The following NXNL2 variants were observed in gnomAD, a reference collection of about 807,000 sequenced individuals.
The protein encoded by NXNL2 is nucleoredoxin like 2.
A neutral mutation model predicts 11.1 loss-of-function variants in NXNL2; 7 were observed. The ratio of observed to expected loss-of-function variants is 0.63; its 90% CI spans 0.36 to 1.18. NXNL2 has a LOEUF of 1.18. Among genes scored for constraint, NXNL2 ranks in the 50% most tolerant of loss-of-function variants. The pLI is 0.02. For missense variants in NXNL2, 233 were observed against 217.7 expected, an observed-to-expected ratio of 1.07 and a Z score of -0.44; for synonymous variants, 109 against 101.8, an observed-to-expected ratio of 1.07 and a Z score of -0.42.
At chr9:88,553,357 A>C (rs1564070994) in intron 1 of NXNL2, among the ~76,000 whole-genome samples, 1 of 151,922 alleles carries the variant, frequency 6.6e-6, no homozygotes, top group African/African-American at 2.4e-5. Flanking sequence ...AAAAAAGCCC[A>C]AACAACAACA....
At chr9:88,542,903 C>T (rs1219124226) in intron 1 of NXNL2, among the ~76,000 whole-genome samples, 1 of 152,092 alleles carries the variant, frequency 6.6e-6, no homozygotes, top group Non-Finnish European at 1.5e-5. Context: ...TTTTTCCTTC[C>T]ACTCGGGTTC....
At chr9:88,571,572 G>A (rs1314730303) in intron 2 of NXNL2, among the ~76,000 whole-genome samples, 1 of 152,194 alleles carries the variant, frequency 6.6e-6, no homozygotes, top group Non-Finnish European at 1.5e-5. Context: ...TTTGGCTCTG[G>A]TAACTGTGCT....
intron 1 of NXNL2, among the ~76,000 whole-genome samples, chr9:88,558,823 A>G (rs1025668984): frequency 3.2e-4 from 49 of 152,094 alleles, no homozygotes; most frequent in African/African-American, 1.1e-3. Flanking sequence ...GAATAGGAGA[A>G]ATACCTTGGT....
chr9:88,574,849 G>C (rs1420590438), intron 2 of NXNL2, among the ~76,000 whole-genome samples: 1 of 152,210 alleles, frequency 6.6e-6, no homozygotes, highest in Non-Finnish European at 1.5e-5. Context: ...GGGGGATCCT[G>C]GCAGGGGCCA....
At chr9:88,578,009 G>A (rs142030456), downstream of NXNL2, among the ~76,000 whole-genome samples, 676 of 152,320 alleles carry the variant, frequency 4.4e-3, 7 homozygotes, top group African/African-American at 0.015. Flanking sequence ...GTGTCTTCAC[G>A]GTTGAAGTGG....
chr9:88,557,080 CAAAAAA>C lies in NXNL2; in HGVS notation c.303-13988_303-13983del, dbSNP rs150400954. Among the ~76,000 whole-genome samples, 116 of 55,628 alleles carry C rather than the reference CAAAAAA, an allele frequency of 2.1e-3. 1 individual carries two copies. Among genetic ancestry groups the C allele is most frequent in the African/African-American group, 4.6e-3 (97 of 21,030 alleles). The allele number at this position is 55,628 out of a possible 152,430, so 36.5% of individuals were successfully genotyped here. On this transcript the variant is annotated intron_variant, in intron 1 of 2. Transcript: ENST00000375855. ...TAGGTGACAGAGTGAGACTCCATCT[CAAAAAA>C]AAAAAAAAAAAAAAAAAAGAAAGAT...
intron 2 of NXNL2, among the ~76,000 whole-genome samples, chr9:88,574,759 C>A (rs1830324066): frequency 6.6e-6 from 1 of 152,074 alleles, no homozygotes; most frequent in South Asian, 2.1e-4. Flanking sequence ...AGGGAAGGAG[C>A]CAGCTTGTTG....
chr9:88,555,906 G>A (rs753993580), intron 1 of NXNL2, among the ~76,000 whole-genome samples: 3 of 152,212 alleles, frequency 2.0e-5, no homozygotes, highest in South Asian at 2.1e-4. Flanking sequence ...CAGTCATGCC[G>A]GCTGTTGTGG....
downstream of NXNL2, among the ~76,000 whole-genome samples, chr9:88,577,550 T>A (rs528135176): frequency 7.2e-5 from 11 of 152,166 alleles, no homozygotes; most frequent in African/African-American, 2.7e-4. Flanking sequence ...TGGTTTCTGA[T>A]GAAGGCCTGC....
rs114928643 is a variant in NXNL2 at position 88,542,929 on chromosome 9, A to C, written c.303-1450A>C. On this transcript the variant is annotated intron_variant, in intron 1 of 1. Coordinates refer to ENST00000375854, the MANE Select transcript of NXNL2 (RefSeq NM_001161625.2). ...ACTCGGGTTCACAATCCTGAGGGTGACAGATCAAGGAAATCCGATTACTGT... is the reference window on the plus strand; with the variant it reads ...ACTCGGGTTCACAATCCTGAGGGTGCCAGATCAAGGAAATCCGATTACTGT... Among the ~76,000 whole-genome samples the C allele has an allele frequency of 1.7e-3, 252 of 152,252 alleles. 2 individuals are homozygous for C. Among genetic ancestry groups the C allele is most frequent in the African/African-American group, 5.7e-3 (238 of 41,558 alleles).
At chr9:88,563,437 C>T (rs1294528464) in intron 1 of NXNL2, among the ~76,000 whole-genome samples, 3 of 152,248 alleles carry the variant, frequency 2.0e-5, no homozygotes, top group African/African-American at 7.2e-5. Flanking sequence ...TCACGTCCCA[C>T]ACCCGGTGCT....
chr9:88,547,293 C>T (rs1829858071), downstream of NXNL2, among the ~76,000 whole-genome samples: 1 of 152,248 alleles, frequency 6.6e-6, no homozygotes, highest in Non-Finnish European at 1.5e-5. Context: ...GGGCCCTCCC[C>T]TCTCCCAGGA....
rs1830333293 is a variant in NXNL2, at chr9:88,575,256, G to A, written c.*186G>A. On this transcript the variant is annotated 3_prime_UTR_variant, in exon 3 of 3. Transcript: ENST00000375855. The stretch of plus-strand genomic sequence containing the variant: ...CAATCCTGCTGCTGGGTATATACCC[G>A]AAAGAAAGGAAAAGGAAGCCAGTAT... The A allele has an allele frequency of 9.0e-6, 6 of 664,962 alleles. No homozygotes were observed. In the South Asian group the frequency reaches 2.1e-4, roughly 23 times the overall value. The allele number at this position is 664,962 out of a possible 1,614,324, so 41.2% of individuals were successfully genotyped here.
chr9:88,571,985 C>T (rs1056697916), intron 2 of NXNL2, among the ~76,000 whole-genome samples: 1 of 152,168 alleles, frequency 6.6e-6, no homozygotes, highest in Non-Finnish European at 1.5e-5. Context: ...ACTTGAGTGG[C>T]TTCTGGTCCC....
downstream of NXNL2, among the ~76,000 whole-genome samples, chr9:88,548,196 G>A (rs1829871214): frequency 6.7e-6 from 1 of 149,420 alleles, no homozygotes; most frequent in Non-Finnish European, 1.5e-5. Flanking sequence ...AAAATTAGCT[G>A]GGCGTGGTGG....
intron 1 of NXNL2, chr9:88,571,032 C>A (rs796644174): frequency 2.6e-6 from 1 of 388,260 alleles, no homozygotes; most frequent in South Asian, 1.9e-5. Context: ...TGTGAGCCAC[C>A]GGTGCCAGGT....
At chr9:88,564,276 A>C (rs994172728) in intron 1 of NXNL2, among the ~76,000 whole-genome samples, 1 of 130,662 alleles carries the variant, frequency 7.7e-6, no homozygotes. Context: ...CTGTCTATCT[A>C]TCTATCTATT....
At chr9:88,569,908 C>T (rs911142905) in intron 1 of NXNL2, among the ~76,000 whole-genome samples, 6 of 151,970 alleles carry the variant, frequency 3.9e-5, no homozygotes, top group Admixed American at 3.9e-4. Context: ...GCTATTTCTT[C>T]TGCACTTTTT....
intron 1 of NXNL2, among the ~76,000 whole-genome samples, chr9:88,543,951 C>T (rs1031519467): frequency 6.6e-6 from 1 of 152,202 alleles, no homozygotes; most frequent in Non-Finnish European, 1.5e-5. Context: ...GGGCAGATCA[C>T]TTGAGGCCCG....
Sources: gnomAD v4.1 joint callset for allele counts (sites outside exome capture counted in the v4.1 genomes callset) on GRCh38, gnomAD v4.1.1 for gene constraint, MANE v1.5 for transcripts, NCBI Gene and HGNC (gene_info 2026-07-23, HGNC 2026-07-21) for gene names.